The following ZNF804A variants were observed in gnomAD, a reference collection of about 807,000 sequenced individuals.
ZNF804A encodes zinc finger protein 804A.
Under a neutral mutation model 16.5 loss-of-function variants are expected in ZNF804A, and 2 were observed. The observed-to-expected ratio is 0.12, with a 90% CI of 0.05 to 0.38. The LOEUF is 0.38. Ranked by LOEUF, ZNF804A falls within the 10% of genes least tolerant of loss-of-function variation. The probability of loss-of-function intolerance (pLI) is 0.99; values close to 1 mark genes in which losing one functional copy is unlikely to be tolerated. For synonymous variants in ZNF804A, 534 were observed against 489.6 expected, an observed-to-expected ratio of 1.09 and a Z score of -1.20; for missense variants, 1,473 against 1,390.7, an observed-to-expected ratio of 1.06 and a Z score of -0.94.
rs559531096 is a variant in ZNF804A, at chr2:184,628,311, C to T, written c.111+29241C>T. On this transcript the variant is annotated intron_variant, in intron 1 of 3. Coordinates refer to ENST00000302277, the MANE Select transcript of ZNF804A (RefSeq NM_194250.2). ...CTGGGCAACAGGAGTGAAACCGTCT[C>T]TGAAAAAGAAAAGAAAGAAAAAAAA... Among the ~76,000 whole-genome samples the T allele has an allele frequency of 6.6e-5, 10 of 150,384 alleles. No homozygotes were observed. The Admixed American group carries it at 6.7e-4, about 10-fold the overall frequency.
At chr2:184,793,926 A>G (rs1346397202) in intron 1 of ZNF804A, among the ~76,000 whole-genome samples, 1 of 152,162 alleles carries the variant, frequency 6.6e-6, no homozygotes, top group Non-Finnish European at 1.5e-5. Flanking sequence ...GCTGAGTAGT[A>G]TTCCATCATA....
chr2:184,791,554 T>C (rs1694544745), intron 1 of ZNF804A, among the ~76,000 whole-genome samples: 1 of 152,076 alleles, frequency 6.6e-6, no homozygotes, highest in African/African-American at 2.4e-5. Flanking sequence ...TAGAGCAGTT[T>C]TAGGTTCACA....
intron 1 of ZNF804A, among the ~76,000 whole-genome samples, chr2:184,637,485 A>G (rs922655754): frequency 1.3e-5 from 2 of 152,268 alleles, no homozygotes; most frequent in Middle Eastern, 3.4e-3. Flanking sequence ...TTAACATTTT[A>G]TTGCTGTATT....
intron 1 of ZNF804A, among the ~76,000 whole-genome samples, chr2:184,675,792 C>T (rs145823969): frequency 2.0e-5 from 3 of 151,806 alleles, no homozygotes; most frequent in Non-Finnish European, 4.4e-5. Context: ...CTGTATTCTG[C>T]CCCTACTATT....
intron 2 of ZNF804A, among the ~76,000 whole-genome samples, chr2:184,917,794 T>C (rs960241547): frequency 2.8e-5 from 4 of 142,940 alleles, no homozygotes; most frequent in Non-Finnish European, 4.7e-5. Flanking sequence ...AACTAGCACA[T>C]ACACACACAC....
At chr2:184,730,076 A>G (rs1255389838) in intron 1 of ZNF804A, among the ~76,000 whole-genome samples, 1 of 152,098 alleles carries the variant, frequency 6.6e-6, no homozygotes, top group Admixed American at 6.6e-5. Flanking sequence ...CAAACTCCTT[A>G]AGAGATTATT....
chr2:184,763,388 A>C (rs149563073), intron 1 of ZNF804A, among the ~76,000 whole-genome samples: 16 of 152,258 alleles, frequency 1.1e-4, no homozygotes, highest in African/African-American at 3.6e-4. Flanking sequence ...GGTTGAATTG[A>C]AACAATGGAG....
chr2:184,752,648 G>A (rs562175016), intron 1 of ZNF804A, among the ~76,000 whole-genome samples: 9 of 151,612 alleles, frequency 5.9e-5, no homozygotes, highest in Admixed American at 1.3e-4. Flanking sequence ...TTACATAAAG[G>A]CAACAAACAG....
At chr2:184,715,886 G>A (rs760522848) in intron 1 of ZNF804A, among the ~76,000 whole-genome samples, 5 of 151,940 alleles carry the variant, frequency 3.3e-5, no homozygotes, top group Non-Finnish European at 7.4e-5. Context: ...TTTGCTTCAC[G>A]CGGGTTTTGG....
At chr2:184,907,029 C>A (rs1388594363) in intron 2 of ZNF804A, among the ~76,000 whole-genome samples, 4 of 152,160 alleles carry the variant, frequency 2.6e-5, no homozygotes, top group Admixed American at 2.0e-4. Context: ...CCATGAAGAA[C>A]TGAATCCTGC....
intron 1 of ZNF804A, among the ~76,000 whole-genome samples, chr2:184,693,267 G>A (rs1692763108): frequency 6.6e-6 from 1 of 152,086 alleles, no homozygotes; most frequent in South Asian, 2.1e-4. Context: ...TCTTTTATAA[G>A]GGGTTATAGA....
chr2:184,858,450 G>A (rs547443868), intron 1 of ZNF804A, among the ~76,000 whole-genome samples: 1 of 150,540 alleles, frequency 6.6e-6, no homozygotes, highest in East Asian at 2.0e-4. Flanking sequence ...TTTGCAGTGA[G>A]CCGAGATCGC....
At chr2:184,776,041 C>T (rs935353542) in intron 1 of ZNF804A, among the ~76,000 whole-genome samples, 1 of 151,514 alleles carries the variant, frequency 6.6e-6, no homozygotes. Context: ...ATTTACTAAG[C>T]ACCTTGTTTG....
rs1558974911 is a variant in ZNF804A at position 184,829,916 on chromosome 2, AAAAAAACAAAAAC to A, written c.112-36446_112-36434del. 4.4e-4 allele frequency among the ~76,000 whole-genome samples: 47 copies of A among 106,750 alleles called. 2 individuals carry two copies. Among genetic ancestry groups the A allele is most frequent in the African/African-American group, 1.2e-3 (20 of 17,050 alleles). The allele number at this position is 106,750 out of a possible 152,430, so 70.0% of individuals were successfully genotyped here. On this transcript the variant is annotated intron_variant, in intron 1 of 3. Coordinates refer to ENST00000302277, the MANE Select transcript of ZNF804A (RefSeq NM_194250.2). Reference sequence around the variant, plus strand: ...GTCTCTACCAAAAAAAAAAAAAAAAAAAAAAACAAAAACAAAAAAAAAAAAACCACACACACAC... The same window carrying A: ...GTCTCTACCAAAAAAAAAAAAAAAAAAAAAAAAAAAAAACCACACACACAC...
chr2:184,670,610 A>G (rs980197655), intron 1 of ZNF804A, among the ~76,000 whole-genome samples: 1 of 151,990 alleles, frequency 6.6e-6, no homozygotes, highest in Non-Finnish European at 1.5e-5. Context: ...AAGATTTAAC[A>G]TTTTCACTTA....
In ZNF804A at chr2:184,631,035, A is replaced by G. The variant is rs534621433; in HGVS notation, c.111+31965A>G. On this transcript the variant is annotated intron_variant, in intron 1 of 3. Transcript: ENST00000302277. Reference sequence around the variant, plus strand: ...CTAGTAACTATGTTGCTGTTGAACTAAAGCATATTGAAATTTGGTGTAACT... The same window carrying G: ...CTAGTAACTATGTTGCTGTTGAACTGAAGCATATTGAAATTTGGTGTAACT... 4.6e-5 allele frequency among the ~76,000 whole-genome samples: 7 copies of G among 152,314 alleles called. No homozygotes were observed. The South Asian group carries it at 1.4e-3, about 32-fold the overall frequency.
At chr2:184,762,354 G>A (rs911108733) in intron 1 of ZNF804A, among the ~76,000 whole-genome samples, 8 of 151,602 alleles carry the variant, frequency 5.3e-5, no homozygotes, top group Admixed American at 4.6e-4. Context: ...AGGTAATCCG[G>A]AGTCAAAATG....
intron 1 of ZNF804A, among the ~76,000 whole-genome samples, chr2:184,820,090 T>G (rs1695048860): frequency 6.6e-6 from 1 of 151,904 alleles, no homozygotes; most frequent in Non-Finnish European, 1.5e-5. Context: ...CTCCTGATAC[T>G]AAAACCTGGC....
At chr2:184,861,340 T>C (rs1695797249) in intron 1 of ZNF804A, among the ~76,000 whole-genome samples, 1 of 152,202 alleles carries the variant, frequency 6.6e-6, no homozygotes, top group South Asian at 2.1e-4. Context: ...ACACAGGTGC[T>C]ACAATCTCTT....
Sources: allele counts gnomAD v4.1 joint callset (sites outside exome capture counted in the v4.1 genomes callset), GRCh38; gene constraint gnomAD v4.1.1; transcripts MANE v1.5; gene names NCBI Gene and HGNC (gene_info 2026-07-23, HGNC 2026-07-21).